Variants in FNBP1 observed in about 807,000 individuals in gnomAD.
FNBP1 encodes the protein formin-binding protein 1.
FNBP1 carries 26 observed loss-of-function variants against 90.6 expected under a neutral mutation model. The ratio of observed to expected loss-of-function variants is 0.29; its 90% CI spans 0.21 to 0.40. The LOEUF is 0.40. Ranked by LOEUF, FNBP1 falls within the 10% of genes least tolerant of loss-of-function variation. FNBP1 has a pLI of 1.00. For synonymous variants in FNBP1, 260 were observed against 265.2 expected, an observed-to-expected ratio of 0.98 and a Z score of 0.19; for missense variants, 635 against 768.0, an observed-to-expected ratio of 0.83 and a Z score of 2.05.
At chr9:130,017,827 C>CA (rs1204347587) in intron 1 of FNBP1, among the ~76,000 whole-genome samples, 9 of 125,168 alleles carry the variant, frequency 7.2e-5, no homozygotes, top group African/African-American at 2.7e-4. Flanking sequence ...GAGACTCCAT[C>CA]AAAAAAATAA....
At chr9:130,015,819 C>A (rs998635078) in intron 1 of FNBP1, among the ~76,000 whole-genome samples, 7 of 152,098 alleles carry the variant, frequency 4.6e-5, no homozygotes, top group Admixed American at 2.0e-4. Flanking sequence ...GGACTACAGG[C>A]GCAAGCCACC....
chr9:130,014,034 A>G (rs1382630957), intron 1 of FNBP1: 1 of 456,686 alleles, frequency 2.2e-6, no homozygotes. Context: ...CCACCTGTCC[A>G]TCTGATTCTA....
At chr9:129,916,410 G>A (rs1024095216) in intron 10 of FNBP1, among the ~76,000 whole-genome samples, 4 of 152,122 alleles carry the variant, frequency 2.6e-5, no homozygotes, top group Admixed American at 6.5e-5. Context: ...CTGAGGTCGG[G>A]AGCTCGAGAC....
chr9:130,018,259 G>T (rs1050598980), intron 1 of FNBP1, among the ~76,000 whole-genome samples: 7 of 151,860 alleles, frequency 4.6e-5, no homozygotes, highest in African/African-American at 1.7e-4. Context: ...TTTAAAGTGT[G>T]TGTGTGTGTG....
In FNBP1 at chr9:129,957,140, C is replaced by T. The variant is rs186769871; in HGVS notation, c.513+220G>A. ...GCAGCCAACGCCTCCTGGGCTCAAG[C>T]GATTCTCCTGCCTCAGCCTCCCTAG... On this transcript the variant is annotated intron_variant, in intron 6 of 16. Coordinates refer to ENST00000446176, the MANE Select transcript of FNBP1 (RefSeq NM_015033.3). This position sits in a 1 kb window ranked among gnomAD's most constrained non-coding sequence, Gnocchi z 4.3. 2.6e-5 allele frequency among the ~76,000 whole-genome samples: 4 copies of T among 151,016 alleles called. No individual in the cohort carries two copies. The highest frequency in any genetic ancestry group is 4.2e-4 in the South Asian group (2 of 4,748).
Position 129,957,553 on chromosome 9 carries a change from T to C in FNBP1, c.409-89A>G. 1 of 1,062,496 alleles carries C rather than the reference T, an allele frequency of 9.4e-7. No individual in the cohort carries two copies. Among genetic ancestry groups the C allele is most frequent in the Non-Finnish European group, 1.4e-6 (1 of 731,168 alleles). The allele number at this position is 1,062,496 out of a possible 1,614,324, so 65.8% of individuals were successfully genotyped here. On this transcript the variant is annotated intron_variant, in intron 5 of 16. Coordinates refer to ENST00000446176, the MANE Select transcript of FNBP1 (RefSeq NM_015033.3). This position sits in a 1 kb window ranked among gnomAD's most constrained non-coding sequence, Gnocchi z 4.3. ...AAAGCTCCCAAAGAGCATTGTTCTT[T>C]TTCTTTTTTTTTTCTTCAGTCAGGG...
At chr9:129,930,937 T>C (rs578103955) in intron 6 of FNBP1, among the ~76,000 whole-genome samples, 1 of 152,348 alleles carries the variant, frequency 6.6e-6, no homozygotes, top group African/African-American at 2.4e-5. Flanking sequence ...ATAGGCTGTC[T>C]TCCAACATAA....
intron 4 of FNBP1, among the ~76,000 whole-genome samples, chr9:129,972,843 A>C (rs957577952): frequency 1.3e-5 from 2 of 152,118 alleles, no homozygotes; most frequent in African/African-American, 2.4e-5. Context: ...CCTGATCGAG[A>C]AGCTCTGGGA....
intron 1 of FNBP1, among the ~76,000 whole-genome samples, chr9:130,021,054 G>T (rs1025545965): frequency 1.3e-5 from 2 of 152,130 alleles, no homozygotes; most frequent in Non-Finnish European, 2.9e-5. Flanking sequence ...TCTCCAAAAC[G>T]TCAAATTGCT....
chr9:129,968,655 A>T (rs758081201), intron 4 of FNBP1, among the ~76,000 whole-genome samples: 1 of 152,228 alleles, frequency 6.6e-6, no homozygotes, highest in Non-Finnish European at 1.5e-5. Flanking sequence ...TATAGGTTTT[A>T]GTGCAGTATC....
In FNBP1 at chr9:130,043,125, G is replaced by T. The variant is rs2059990625; in HGVS notation, c.-150C>A. ...TCCGGCTCGCAGCTCCTCGCCCGGG[G>T]TCTCCTCGGCGGCTCCTCCTCCCCG... On this transcript the variant is annotated 5_prime_UTR_variant, in exon 1 of 17. Coordinates refer to ENST00000446176, the MANE Select transcript of FNBP1 (RefSeq NM_015033.3). 3.3e-6 allele frequency: 2 copies of T among 605,448 alleles called. No homozygotes were observed. The highest frequency in any genetic ancestry group is 4.8e-6 in the Non-Finnish European group (2 of 419,604). The allele number at this position is 605,448 out of a possible 1,614,324, so 37.5% of individuals were successfully genotyped here.
At chr9:129,964,922 C>G (rs2048339604) in intron 4 of FNBP1, among the ~76,000 whole-genome samples, 1 of 151,076 alleles carries the variant, frequency 6.6e-6, no homozygotes, top group African/African-American at 2.4e-5. Context: ...AGTCAACCAT[C>G]TGGAATTTTA....
In FNBP1 at chr9:129,911,925, T is replaced by C. The variant is rs1319572391; in HGVS notation, c.1186-2926A>G. On this transcript the variant is annotated intron_variant, in intron 11 of 16. Coordinates refer to ENST00000446176, the MANE Select transcript of FNBP1 (RefSeq NM_015033.3). ...CCAGCCTGGGCGACGGGCGAGATTCTGTCTCAAAAAAAAAAAAAAAAACCC... is the reference window on the plus strand; with the variant it reads ...CCAGCCTGGGCGACGGGCGAGATTCCGTCTCAAAAAAAAAAAAAAAAACCC... Among the ~76,000 whole-genome samples, 14 of 112,820 alleles carry C rather than the reference T, an allele frequency of 1.2e-4. No homozygotes were observed. In the East Asian group the frequency reaches 2.9e-3, roughly 23 times the overall value. The allele number at this position is 112,820 out of a possible 152,430, so 74.0% of individuals were successfully genotyped here.
At chr9:129,914,176 CTT>C (rs770333230) in intron 11 of FNBP1, among the ~76,000 whole-genome samples, 9 of 141,212 alleles carry the variant, frequency 6.4e-5, no homozygotes, top group Admixed American at 7.1e-5. Flanking sequence ...TTTCTTTTGT[CTT>C]TTTTTTTTTT....
At chr9:129,896,033 G>A (rs1465639456) in intron 15 of FNBP1, 37 bp from the exon 16 acceptor site, 2 of 1,558,764 alleles carry the variant, frequency 1.3e-6, no homozygotes, top group Admixed American at 1.9e-5. Flanking sequence ...AGATGTCTTG[G>A]CAAATGCAGG....
intron 6 of FNBP1, among the ~76,000 whole-genome samples, chr9:129,938,188 T>A (rs2043778170): frequency 6.6e-6 from 1 of 152,048 alleles, no homozygotes; most frequent in East Asian, 1.9e-4. Context: ...TTAATTAATT[T>A]TTTAAAAAAA....
intron 1 of FNBP1, among the ~76,000 whole-genome samples, chr9:130,017,979 T>C (rs2057426823): frequency 7.2e-6 from 1 of 138,726 alleles, no homozygotes; most frequent in Non-Finnish European, 1.6e-5. Context: ...AGCGGTGCAA[T>C]CTCGGCTCAC....
At chr9:129,999,356 G>A (rs987077048) in intron 1 of FNBP1, among the ~76,000 whole-genome samples, 9 of 152,060 alleles carry the variant, frequency 5.9e-5, no homozygotes, top group South Asian at 2.1e-4. Flanking sequence ...AGCATTTTGC[G>A]AGGCCGAGGT....
At chr9:129,992,034 A>C (rs200888802) in intron 2 of FNBP1, among the ~76,000 whole-genome samples, 1 of 152,102 alleles carries the variant, frequency 6.6e-6, no homozygotes, top group East Asian at 1.9e-4. Context: ...TGGCTTAGAG[A>C]TCCATATCTG....
Sources: gnomAD v4.1 joint callset for allele counts (sites outside exome capture counted in the v4.1 genomes callset) on GRCh38, gnomAD v4.1.1 for gene constraint, Gnocchi (gnomAD v3.1) non-coding constraint, MANE v1.5 for transcripts, NCBI Gene and HGNC (gene_info 2026-07-23, HGNC 2026-07-21) for gene names.